AARS2: variants seen among roughly 807,000 people sequenced by gnomAD.
The protein encoded by AARS2 is alanine--tRNA ligase, mitochondrial.
AARS2 carries 78 observed loss-of-function variants against 119.7 expected under a neutral mutation model. The observed-to-expected ratio is 0.65, with a 90% CI of 0.54 to 0.79. AARS2 has a LOEUF of 0.79. Ranked by LOEUF, AARS2 falls within the 30% of genes least tolerant of loss-of-function variation. The pLI is 0.00. For missense variants in AARS2, 1,157 were observed against 1,291.3 expected, an observed-to-expected ratio of 0.90 and a Z score of 1.59; for synonymous variants, 502 against 526.3, an observed-to-expected ratio of 0.95 and a Z score of 0.63.
chr6:44,313,301 G>A lies in AARS2; in HGVS notation c.23C>T (p.Ala8Val), dbSNP rs1280707632. 1.3e-6 allele frequency: 2 copies of A among 1,599,954 alleles called. No individual in the cohort carries two copies. The highest frequency in any genetic ancestry group is 1.7e-6 in the Non-Finnish European group (2 of 1,177,614). MAASVAA[A>V]ARRLRRAIRR... Reference sequence around the variant, plus strand: ...AATGGCCCGCCGCAGCCTCCGGGCTGCAGCTGCCACTGACGCTGCCATCGT... The same window carrying A: ...AATGGCCCGCCGCAGCCTCCGGGCTACAGCTGCCACTGACGCTGCCATCGT... The change falls in exon 1 of 22, where the codon GCA (alanine) becomes GTA (valine). Residue 8 changes from alanine to valine, a missense_variant. By Grantham distance (64) the Ala-to-Val change is moderately conservative. Coordinates refer to ENST00000244571, the MANE Select transcript of AARS2 (RefSeq NM_020745.4).
rs1437866988 is a variant in AARS2 at position 44,305,898 on chromosome 6, C to T, written c.1301-112G>A. The T allele has an allele frequency of 7.7e-7, 1 of 1,296,828 alleles. No individual in the cohort carries two copies. Among genetic ancestry groups the T allele is most frequent in the Non-Finnish European group, 1.1e-6 (1 of 903,376 alleles). 80.3% of individuals were successfully genotyped at this position (1,296,828 alleles called of 1,614,324 possible). ...CACGCAGAAGCCACCAGATGCCAAACACAAATACCCGCTCCATACTGGGTA... is the reference window on the plus strand; with the variant it reads ...CACGCAGAAGCCACCAGATGCCAAATACAAATACCCGCTCCATACTGGGTA... On this transcript the variant is annotated intron_variant, in intron 9 of 21. Transcript: ENST00000244571. This position sits in a 1 kb window ranked among gnomAD's most constrained non-coding sequence, Gnocchi z 4.6.
At chr6:44,303,014 A>G in intron 16 of AARS2, 52 bp downstream of exon 16, 1 of 1,608,510 alleles carries the variant, frequency 6.2e-7, no homozygotes, top group South Asian at 1.1e-5. Flanking sequence ...AGACCAAGGG[A>G]AGGGCAAGGA....
chr6:44,305,456 G>A lies in AARS2; in HGVS notation c.1434+197C>T, dbSNP rs999164290. Among the ~76,000 whole-genome samples, 5 of 152,228 alleles carry A rather than the reference G, an allele frequency of 3.3e-5. No individual in the cohort carries two copies. The highest frequency in any genetic ancestry group is 5.9e-5 in the Non-Finnish European group (4 of 68,032). Reference sequence around the variant, plus strand: ...TCTCCAGGAAGCTGTGCTGGCTTCTGCTCCTGTGTTTAGCCCATTGGCTAG... The same window carrying A: ...TCTCCAGGAAGCTGTGCTGGCTTCTACTCCTGTGTTTAGCCCATTGGCTAG... On this transcript the variant is annotated intron_variant, in intron 10 of 21. Transcript: ENST00000244571. The surrounding 1 kb of genome is among the most constrained non-coding windows in gnomAD (Gnocchi z 4.6).
At chr6:44,304,130 C>G (rs774511191) in intron 14 of AARS2, 51 bp downstream of exon 14, 1 of 1,610,638 alleles carries the variant, frequency 6.2e-7, no homozygotes, top group South Asian at 1.1e-5. Context: ...GGCTGTCTCT[C>G]TTTTATGCCT....
At chr6:44,312,724 C>T (rs764867235) in intron 1 of AARS2, among the ~76,000 whole-genome samples, 1 of 152,134 alleles carries the variant, frequency 6.6e-6, no homozygotes, top group South Asian at 2.1e-4. Flanking sequence ...TTGATAAAAA[C>T]CAAAACCTTA....
intron 1 of AARS2, among the ~76,000 whole-genome samples, chr6:44,312,832 C>A (rs966726454): frequency 1.3e-5 from 2 of 152,218 alleles, no homozygotes; most frequent in Non-Finnish European, 2.9e-5. Flanking sequence ...ACTTCTCCCT[C>A]GGGATTCCAC....
At position 44,302,487 on chromosome 6, in the gene AARS2, G is replaced by C. The variant is rs374170339; in HGVS notation, c.2391C>G (p.Ala797=). The C allele has an allele frequency of 1.2e-6, 2 of 1,614,012 alleles. No individual in the cohort carries two copies. Among genetic ancestry groups the C allele is most frequent in the African/African-American group, 2.7e-5 (2 of 74,914 alleles). Reference sequence around the variant, plus strand: ...GCTCAGTGGCCGCTTTCACTTCCTGGGCCAGGCTCTGGCCTAGCTCTCGGG... The same window carrying C: ...GCTCAGTGGCCGCTTTCACTTCCTGCGCCAGGCTCTGGCCTAGCTCTCGGG... ...QQARELGQSL[A]QEVKAATERL... Residue 797 remains alanine, a synonymous_variant, in exon 18 of 22, where the codon GCC becomes GCG. Coordinates refer to ENST00000244571, the MANE Select transcript of AARS2 (RefSeq NM_020745.4).
chr6:44,302,349 A>G, intron 18 of AARS2, 42 bp downstream of exon 18: 1 of 1,613,844 alleles, frequency 6.2e-7, no homozygotes, highest in Non-Finnish European at 8.5e-7. Context: ...TAGGGGAGGT[A>G]ATAGGGCTAG....
chr6:44,307,764 C>T lies in AARS2; in HGVS notation c.895-370G>A. On this transcript the variant is annotated intron_variant, in intron 5 of 21. Transcript: ENST00000244571. This position sits in a 1 kb window ranked among gnomAD's most constrained non-coding sequence, Gnocchi z 4.4. ...AGGAACTCAGTGACACAAGGCTACC[C>T]AGCTCTCAAGGAGCAGATCTGAGAT... 1 of 317,176 alleles carries T rather than the reference C, an allele frequency of 3.2e-6. No homozygotes were observed. The highest frequency in any genetic ancestry group is 3.2e-5 in the South Asian group (1 of 31,044). 19.6% of individuals were successfully genotyped at this position (317,176 alleles called of 1,614,324 possible).
At chr6:44,300,797 A>G in intron 21 of AARS2, 86 bp from the exon 22 acceptor site, 8 of 1,512,940 alleles carry the variant, frequency 5.3e-6, no homozygotes, top group Non-Finnish European at 7.2e-6. Context: ...GTGGAGCTGA[A>G]GGTCATCAGT....
intron 5 of AARS2, 94 bp downstream of exon 5, chr6:44,310,205 G>T: frequency 1.3e-6 from 2 of 1,484,004 alleles, no homozygotes; most frequent in Admixed American, 2.0e-5. Context: ...CAGATGCTGA[G>T]AACACTCTGA....
Position 44,302,747 on chromosome 6 carries a change from G to A in AARS2, c.2364+55C>T, listed in dbSNP as rs114243629. On this transcript the variant is annotated intron_variant, in intron 17 of 21. Transcript: ENST00000244571. ...CCCTGAGCCTGAGCATGTCACCTGC[G>A]TGTGTCCCATGCACCCACTCAACCC... The A allele has an allele frequency of 1.1e-3, 1,709 of 1,547,512 alleles. 19 individuals carry two copies. In the African/African-American group the frequency reaches 0.02, roughly 18 times the overall value.
At position 44,310,523 on chromosome 6, in the gene AARS2, T is replaced by TGGG. The variant is rs540341777; in HGVS notation, c.750-83_750-81dup. 9.1e-6 allele frequency: 14 copies of TGGG among 1,537,536 alleles called. No individual in the cohort carries two copies. In the South Asian group the frequency reaches 1.1e-4, roughly 12 times the overall value. On this transcript the variant is annotated intron_variant, in intron 4 of 21. Coordinates refer to ENST00000244571, the MANE Select transcript of AARS2 (RefSeq NM_020745.4). ...CAGATGCCCAAGTGGAGTAGAGAAA[T>TGGG]GGGGGGGGGCCCAAGGGAGCTGACA...
chr6:44,301,046 A>G, intron 21 of AARS2, 110 bp downstream of exon 21: 2 of 1,002,536 alleles, frequency 2.0e-6, no homozygotes, highest in Non-Finnish European at 1.5e-6. Context: ...CCTCATAGAT[A>G]CTTCCACCCA....
In AARS2 at chr6:44,312,240, G is replaced by C. The variant is rs752629942; in HGVS notation, c.267C>G (p.Thr89=). ...MNQFKPIFLG[T]VDPRSEMAGF... ...CTGCCATCTCGCTTCGTGGATCCAC[G>C]GTGCCCAGAAAGATTGGCTTGAACT... Residue 89 remains threonine (T), a synonymous_variant, in exon 2 of 22, where the codon ACC becomes ACG. Transcript: ENST00000244571. 6.2e-7 allele frequency: 1 copy of C among 1,613,924 alleles called. No homozygotes were observed.
chr6:44,311,439 C>T lies in AARS2; in HGVS notation c.532G>A (p.Ala178Thr). 1 of 1,614,144 alleles carries T rather than the reference C, an allele frequency of 6.2e-7. No homozygotes were observed. Among genetic ancestry groups the T allele is most frequent in the Non-Finnish European group, 8.5e-7 (1 of 1,180,030 alleles). ...WISYFDGDPK[A>T]GLDPDLETRD... ...GTCTCCAGGTCTGGGTCCAGCCCTG[C>T]CTTGGGGTCACCATCAAAGTAGGAG... is the stretch of plus-strand genomic sequence containing the variant. The change falls in exon 3 of 22, where the codon GCA (alanine) becomes ACA (threonine). Residue 178 changes from alanine to threonine, a missense_variant. Coordinates refer to ENST00000244571, the MANE Select transcript of AARS2 (RefSeq NM_020745.4).
intron 5 of AARS2, 88 bp downstream of exon 5, chr6:44,310,209 ACT>A: frequency 6.8e-7 from 1 of 1,480,376 alleles, no homozygotes. Flanking sequence ...TGCTGAGAAC[ACT>A]CTGAGTTCTC....
chr6:44,307,345 CCCT>C lies in AARS2; in HGVS notation c.941_943del (p.Glu314del), dbSNP rs754432667. ...CACGCGGTACGCTGTGTCTGTGCGC[CCCT>C]CGTCTGCCACCCCTACTCGGCCCAA... On this transcript the variant is annotated inframe_deletion, in exon 6 of 22. Coordinates refer to ENST00000244571, the MANE Select transcript of AARS2 (RefSeq NM_020745.4). This position sits in a 1 kb window ranked among gnomAD's most constrained non-coding sequence, Gnocchi z 4.4. 26 of 1,611,570 alleles carry C rather than the reference CCCT, an allele frequency of 1.6e-5. No homozygotes were observed. Among genetic ancestry groups the C allele is most frequent in the East Asian group, 2.2e-5 (1 of 44,822 alleles).
At chr6:44,300,864 T>C (rs1238221654) in intron 21 of AARS2, 153 bp from the exon 22 acceptor site, 6 of 1,031,088 alleles carry the variant, frequency 5.8e-6, no homozygotes, top group Non-Finnish European at 8.7e-6. Flanking sequence ...CGGAGAAGGT[T>C]TGGGCTGGAA....
Sources: gnomAD v4.1 joint callset for allele counts (sites outside exome capture counted in the v4.1 genomes callset) on GRCh38, gnomAD v4.1.1 for gene constraint, Gnocchi (gnomAD v3.1) non-coding constraint, MANE v1.5 for transcripts, NCBI Gene and HGNC (gene_info 2026-07-23, HGNC 2026-07-21) for gene names.